The following OSBPL10 variants were observed in gnomAD, a reference collection of about 807,000 sequenced individuals.
OSBPL10 encodes oxysterol-binding protein-related protein 10.
A neutral mutation model predicts 81.7 loss-of-function variants in OSBPL10; 49 were observed. The ratio of observed to expected loss-of-function variants is 0.60; its 90% CI spans 0.48 to 0.76. The LOEUF is 0.76. OSBPL10 is among the 30% of genes least tolerant of loss of function. The pLI is 0.00. For synonymous variants in OSBPL10, 419 were observed against 383.6 expected (o/e 1.09, Z -1.08); for missense variants, 923 against 987.8 (o/e 0.93, Z 0.88).
chr3:31,678,916 A>G (rs755609064), intron 8 of OSBPL10, among the ~76,000 whole-genome samples: 1 of 151,378 alleles, frequency 6.6e-6, no homozygotes, highest in Non-Finnish European at 1.5e-5. Context: ...CCTTCAGTCT[A>G]TTCTTCACTC....
chr3:31,914,498 G>A (rs11917150), intron 1 of OSBPL10, among the ~76,000 whole-genome samples: 56,543 of 151,912 alleles, frequency 0.37, 10,609 homozygotes, highest in African/African-American at 0.42. Flanking sequence ...CTTTTTGTCA[G>A]TATATCTCAT....
chr3:31,751,834 G>C (rs768405029), intron 4 of OSBPL10, among the ~76,000 whole-genome samples: 4 of 152,112 alleles, frequency 2.6e-5, no homozygotes, highest in Non-Finnish European at 4.4e-5. Flanking sequence ...TTCACTTTAC[G>C]TTAGCTTCAT....
At chr3:31,995,763 C>T (rs912554642) in intron 2 of OSBPL10, among the ~76,000 whole-genome samples, 1 of 152,162 alleles carries the variant, frequency 6.6e-6, no homozygotes, top group Non-Finnish European at 1.5e-5. Context: ...TCTGCTGAGG[C>T]TCCAGCCGGT....
chr3:32,066,986 A>T (rs927208123), intron 1 of OSBPL10, among the ~76,000 whole-genome samples: 9 of 152,204 alleles, frequency 5.9e-5, no homozygotes, highest in African/African-American at 2.2e-4. Flanking sequence ...ACAGCATGAT[A>T]ACGAGGCTCC....
At chr3:31,995,220 G>T (rs1384292112) in intron 2 of OSBPL10, among the ~76,000 whole-genome samples, 1 of 152,094 alleles carries the variant, frequency 6.6e-6, no homozygotes, top group Non-Finnish European at 1.5e-5. Context: ...AATTTACCAG[G>T]CTGGGATTTC....
intron 10 of OSBPL10, among the ~76,000 whole-genome samples, chr3:31,668,073 ATGT>A (rs766561966): frequency 2.4e-4 from 36 of 152,184 alleles, no homozygotes; most frequent in Non-Finnish European, 4.1e-4. Flanking sequence ...AAACCATTTT[ATGT>A]TGTTTAAATT....
At position 31,900,614 on chromosome 3, in the gene OSBPL10, A is replaced by G. The variant is rs370276273; in HGVS notation, c.282-20784T>C. Among the ~76,000 whole-genome samples the G allele has an allele frequency of 1.8e-4, 28 of 152,320 alleles. 1 individual carries two copies. In the East Asian group the frequency reaches 2.5e-3, roughly 14 times the overall value. The stretch of plus-strand genomic sequence containing the variant: ...GCAGTCAGTTGTTGTAACAGCAATT[A>G]CTTTGTCTTTATTCTAGAAGGGAGT... On this transcript the variant is annotated intron_variant, in intron 1 of 11. Coordinates refer to ENST00000396556, the MANE Select transcript of OSBPL10 (RefSeq NM_017784.5).
intron 2 of OSBPL10, among the ~76,000 whole-genome samples, chr3:31,878,679 G>C (rs60901682): frequency 0.033 from 5,098 of 152,184 alleles, 291 homozygotes; most frequent in African/African-American, 0.12. Flanking sequence ...ATAGCAAGCA[G>C]CCGTTTCTTC....
intron 6 of OSBPL10, chr3:31,718,705 C>G (rs893313454): frequency 4.2e-4 from 64 of 152,120 alleles, no homozygotes; most frequent in African/African-American, 1.4e-3. Flanking sequence ...CTTTGAATTT[C>G]TTTTAAAAAC....
intron 6 of OSBPL10, among the ~76,000 whole-genome samples, chr3:31,725,348 A>T (rs1317335443): frequency 6.6e-6 from 1 of 152,214 alleles, no homozygotes; most frequent in Non-Finnish European, 1.5e-5. Flanking sequence ...TCTGATAGCT[A>T]GAAGGCATAT....
intron 4 of OSBPL10, among the ~76,000 whole-genome samples, chr3:31,809,354 AG>A (rs1699608384): frequency 1.3e-5 from 2 of 152,336 alleles, no homozygotes; most frequent in African/African-American, 4.8e-5. Flanking sequence ...CAGCAACAAA[AG>A]GGGATAAAAT....
At chr3:32,052,525 T>G (rs953872767) in intron 1 of OSBPL10, among the ~76,000 whole-genome samples, 1 of 152,018 alleles carries the variant, frequency 6.6e-6, no homozygotes, top group Non-Finnish European at 1.5e-5. Flanking sequence ...TGCAGCACTA[T>G]TTACAATAGC....
At chr3:31,907,619 C>CAAAAAAAAAAAAAAA (rs142840420) in intron 1 of OSBPL10, among the ~76,000 whole-genome samples, 4 of 63,872 alleles carry the variant, frequency 6.3e-5, no homozygotes, top group African/African-American at 2.8e-4. Context: ...ACCTCCATCT[C>CAAAAAAAAAAAAAAA]AAAAAAAAAA....
chr3:31,902,309 C>A (rs1406085123), intron 1 of OSBPL10, among the ~76,000 whole-genome samples: 1 of 142,352 alleles, frequency 7.0e-6, no homozygotes, highest in Non-Finnish European at 1.5e-5. Context: ...GTCGCCCAGG[C>A]TGAAGCGCAG....
At chr3:32,027,753 A>G (rs960203001) in intron 2 of OSBPL10, among the ~76,000 whole-genome samples, 3 of 152,212 alleles carry the variant, frequency 2.0e-5, no homozygotes, top group African/African-American at 7.2e-5. Flanking sequence ...CCAAGTCCCC[A>G]GAGTAACTGG....
At chr3:31,757,894 G>T (rs1273370999) in intron 4 of OSBPL10, among the ~76,000 whole-genome samples, 2 of 152,116 alleles carry the variant, frequency 1.3e-5, no homozygotes, top group Non-Finnish European at 2.9e-5. Context: ...TTGGCATAAG[G>T]ATTATTTTGA....
intron 2 of OSBPL10, among the ~76,000 whole-genome samples, chr3:32,018,798 A>T (rs1019237000): frequency 6.6e-6 from 1 of 152,208 alleles, no homozygotes; most frequent in East Asian, 1.9e-4. Context: ...CACCAAAAGA[A>T]AAAAAGGTAG....
intron 2 of OSBPL10, among the ~76,000 whole-genome samples, chr3:32,041,295 G>A (rs2125558778): frequency 6.6e-6 from 1 of 152,292 alleles, no homozygotes; most frequent in South Asian, 2.1e-4. Context: ...AAAACAAAGT[G>A]TCATTTCTTC....
chr3:31,766,044 C>T (rs1392277136), intron 4 of OSBPL10, among the ~76,000 whole-genome samples: 1 of 144,200 alleles, frequency 6.9e-6, no homozygotes, highest in Non-Finnish European at 1.5e-5. Context: ...CCTTTCTCTC[C>T]TCTTCTTGCT....
Sources: allele counts gnomAD v4.1 joint callset (sites outside exome capture counted in the v4.1 genomes callset), GRCh38; gene constraint gnomAD v4.1.1; transcripts MANE v1.5; gene names NCBI Gene and HGNC (gene_info 2026-07-23, HGNC 2026-07-21).